SEMA3F: variants seen among roughly 807,000 people sequenced by gnomAD.
SEMA3F encodes the protein semaphorin-3F.
SEMA3F carries 30 observed loss-of-function variants against 98.5 expected under a neutral mutation model. The ratio of observed to expected loss-of-function variants is 0.30; its 90% CI spans 0.23 to 0.41. SEMA3F has a LOEUF of 0.41. SEMA3F is among the 10% of genes least tolerant of loss of function. SEMA3F has a pLI of 1.00. For missense variants in SEMA3F, 866 were observed against 1,119.3 expected, an observed-to-expected ratio of 0.77 and a Z score of 3.23; for synonymous variants, 380 against 444.8, an observed-to-expected ratio of 0.85 and a Z score of 1.83.
intron 2 of SEMA3F, among the ~76,000 whole-genome samples, chr3:50,167,514 C>G (rs1312436649): frequency 6.6e-6 from 1 of 152,214 alleles, no homozygotes; most frequent in African/African-American, 2.4e-5. Flanking sequence ...TGGGGCGGAA[C>G]GGGCGTGGGA....
At chr3:50,183,388 G>A in intron 11 of SEMA3F, 32 bp from the exon 12 acceptor site, 2 of 1,613,028 alleles carry the variant, frequency 1.2e-6, no homozygotes, top group African/African-American at 1.3e-5. Context: ...TGGAGGGTCT[G>A]TCCTGCTCAG....
chr3:50,183,090 G>A, intron 10 of SEMA3F, 72 bp downstream of exon 10: 1 of 1,568,148 alleles, frequency 6.4e-7, no homozygotes, highest in Non-Finnish European at 8.8e-7. Flanking sequence ...GGCGATCAGG[G>A]TGCCTTTGGT....
In SEMA3F at chr3:50,187,907, C is replaced by T. The variant is rs1559741709; in HGVS notation, c.2150C>T (p.Pro717Leu). Residue 717 changes from proline to leucine, a missense_variant, in exon 19 of 19, where the codon CCC (proline) becomes CTC (leucine). Transcript: ENST00000002829. ...FPPLSMSAPP[P>L]PGAGPPTPPY... is the part of the protein sequence containing the mutation. ...CCACTGTCCATGAGCGCCCCGCCAC[C>T]CCCAGGCGCAGGCCCCCCAACGCCT... 1 of 1,609,050 alleles carries T rather than the reference C, an allele frequency of 6.2e-7. No individual in the cohort carries two copies.
In SEMA3F at chr3:50,159,634, C is replaced by G. The variant is rs201364829; in HGVS notation, c.12C>G (p.Ala4=). ...AGGCCCCTCCCACAATGCTTGTCGC[C>G]GGTCTTCTTCTCTGGGCTTCCCTAC... is the stretch of plus-strand genomic sequence containing the variant. MLV[A]GLLLWASLLT... Residue 4 remains alanine, a synonymous_variant, in exon 2 of 19, where the codon GCC becomes GCG. Coordinates refer to ENST00000002829, the MANE Select transcript of SEMA3F (RefSeq NM_004186.5). 5 of 1,609,098 alleles carry G rather than the reference C, an allele frequency of 3.1e-6. No individual in the cohort carries two copies. The highest frequency in any genetic ancestry group is 1.3e-5 in the African/African-American group (1 of 74,754).
intron 13 of SEMA3F, 96 bp downstream of exon 13, chr3:50,184,910 C>A: frequency 1.2e-6 from 1 of 850,524 alleles, no homozygotes; most frequent in South Asian, 1.6e-5. Context: ...GGGCTTGCTG[C>A]AAGCTCATCA....
chr3:50,175,494 A>G (rs571155049), intron 6 of SEMA3F, among the ~76,000 whole-genome samples: 37 of 152,330 alleles, frequency 2.4e-4, no homozygotes, highest in Non-Finnish European at 3.5e-4. Flanking sequence ...AAGAGCACAC[A>G]CCGGTGTGGA....
rs752561955 is a variant in SEMA3F at position 50,183,486 on chromosome 3, G to A, written c.1155G>A (p.Gly385=). The A allele has an allele frequency of 6.2e-7, 1 of 1,613,980 alleles. No individual in the cohort carries two copies. The highest frequency in any genetic ancestry group is 1.3e-5 in the African/African-American group (1 of 74,934). The change falls in exon 12 of 19, where the codon GGG becomes GGA. Residue 385 remains glycine, a synonymous_variant. Coordinates refer to ENST00000002829, the MANE Select transcript of SEMA3F (RefSeq NM_004186.5). ...CTGATATTCGCATGGTCTTCAACGG[G>A]CCCTTTGCCCACAAAGAGGGGCCCA... is the stretch of plus-strand genomic sequence containing the variant. ...SMADIRMVFN[G]PFAHKEGPNY...
rs994507201 is a variant in SEMA3F, at chr3:50,182,467, A to G, written c.763+64A>G. The G allele has an allele frequency of 2.5e-6, 4 of 1,606,240 alleles. No homozygotes were observed. The highest frequency in any genetic ancestry group is 2.5e-6 in the Non-Finnish European group (3 of 1,177,732). On this transcript the variant is annotated intron_variant, in intron 8 of 18. Transcript: ENST00000002829. The surrounding 1 kb of genome is among the most constrained non-coding windows in gnomAD (Gnocchi z 4.5). ...CTGGGATGCGGCAAGGAGGTCGTAAAGAAGCACATGTGGGGGAAGTGGGGA... is the reference window on the plus strand; with the variant it reads ...CTGGGATGCGGCAAGGAGGTCGTAAGGAAGCACATGTGGGGGAAGTGGGGA...
intron 2 of SEMA3F, among the ~76,000 whole-genome samples, chr3:50,163,832 C>T (rs2109063917): frequency 6.6e-6 from 1 of 152,268 alleles, no homozygotes; most frequent in Middle Eastern, 3.4e-3. Context: ...GCTCACAAGC[C>T]AGGGAGGGTA....
chr3:50,188,521 C>G lies in SEMA3F; in HGVS notation c.*406C>G, dbSNP rs1699327467. The G allele has an allele frequency of 6.6e-6, 1 of 152,466 alleles. No individual in the cohort carries two copies. Among genetic ancestry groups the G allele is most frequent in the Non-Finnish European group, 1.5e-5 (1 of 68,126 alleles). 9.4% of individuals were successfully genotyped at this position (152,466 alleles called of 1,614,324 possible). On this transcript the variant is annotated 3_prime_UTR_variant, in exon 19 of 19. Coordinates refer to ENST00000002829, the MANE Select transcript of SEMA3F (RefSeq NM_004186.5). The surrounding 1 kb of genome is among the most constrained non-coding windows in gnomAD (Gnocchi z 4.5). Reference sequence around the variant, plus strand: ...TGTGTGTTGTCAGCCTGTGCTGTGGCATAGACATGGATGCGAGGACCACTT... The same window carrying G: ...TGTGTGTTGTCAGCCTGTGCTGTGGGATAGACATGGATGCGAGGACCACTT...
At position 50,174,322 on chromosome 3, in the gene SEMA3F, C is replaced by T. The variant is rs755348562; in HGVS notation, c.428C>T (p.Thr143Ile). 2 of 1,612,842 alleles carry T rather than the reference C, an allele frequency of 1.2e-6. No homozygotes were observed. Among genetic ancestry groups the T allele is most frequent in the East Asian group, 4.5e-5 (2 of 44,876 alleles). Reference protein sequence around the residue: ...CGTGAYNPMCTYVNRGRRAQA... With the variant: ...CGTGAYNPMCIYVNRGRRAQA... Reference sequence around the variant, plus strand: ...ACAGGTGCCTACAACCCCATGTGCACCTATGTGAACCGCGGACGCCGCGCC... The same window carrying T: ...ACAGGTGCCTACAACCCCATGTGCATCTATGTGAACCGCGGACGCCGCGCC... Residue 143 changes from threonine to isoleucine, a missense_variant, in exon 5 of 19, where the codon ACC becomes ATC. Around this residue, in one of 3 missense-constraint regions of SEMA3F, gnomAD observed 247 missense variants for 276.0 expected, o/e 0.89. Transcript: ENST00000002829.
chr3:50,186,083 G>T, intron 16 of SEMA3F, 37 bp downstream of exon 16: 1 of 1,582,344 alleles, frequency 6.3e-7, no homozygotes, highest in Non-Finnish European at 8.6e-7. Context: ...TTAGCAACCA[G>T]TCCCAGGGCC....
intron 13 of SEMA3F, among the ~76,000 whole-genome samples, chr3:50,185,197 T>C (rs957470429): frequency 3.3e-5 from 5 of 152,192 alleles, no homozygotes; most frequent in Non-Finnish European, 7.4e-5. Context: ...GGAGAATGCA[T>C]GCCCCAGTGT....
In SEMA3F at chr3:50,186,056, C is replaced by G; in HGVS notation, c.1745+10C>G. 1 of 1,593,316 alleles carries G rather than the reference C, an allele frequency of 6.3e-7. No individual in the cohort carries two copies. The highest frequency in any genetic ancestry group is 8.6e-7 in the Non-Finnish European group (1 of 1,166,474). ...CAGCATCCTCCAAGAGGTGTGGACC[C>G]CTAGACACCTAGAATTTTAGCAACC... On this transcript the variant is annotated intron_variant, in intron 16 of 18. Coordinates refer to ENST00000002829, the MANE Select transcript of SEMA3F (RefSeq NM_004186.5).
chr3:50,187,169 G>A (rs1490165830), intron 18 of SEMA3F, among the ~76,000 whole-genome samples: 1 of 152,184 alleles, frequency 6.6e-6, no homozygotes, highest in Non-Finnish European at 1.5e-5. Context: ...GCTCACACCT[G>A]TAACCCCAAC....
intron 2 of SEMA3F, among the ~76,000 whole-genome samples, chr3:50,167,998 G>A (rs530591274): frequency 6.6e-6 from 1 of 152,296 alleles, no homozygotes; most frequent in South Asian, 2.1e-4. Context: ...AAAAACACGC[G>A]GAGTCATTTA....
At chr3:50,186,861 C>T (rs928865257) in intron 18 of SEMA3F, 115 bp downstream of exon 18, 1 of 1,106,028 alleles carries the variant, frequency 9.0e-7, no homozygotes, top group Non-Finnish European at 1.2e-6. Context: ...TCCAAGCTCC[C>T]TTCCCTACAT....
chr3:50,186,184 C>T, intron 16 of SEMA3F, 97 bp from the exon 17 acceptor site: 1 of 1,486,916 alleles, frequency 6.7e-7, no homozygotes, highest in East Asian at 2.3e-5. Context: ...CATCACTGCC[C>T]TGGGGAAAAA....
rs539082088 is a variant in SEMA3F, at chr3:50,183,775, T to A, written c.1233+211T>A. Among the ~76,000 whole-genome samples, 6 of 152,182 alleles carry A rather than the reference T, an allele frequency of 3.9e-5. No homozygotes were observed. In the East Asian group the frequency reaches 5.8e-4, roughly 15 times the overall value. On this transcript the variant is annotated intron_variant, in intron 12 of 18. Coordinates refer to ENST00000002829, the MANE Select transcript of SEMA3F (RefSeq NM_004186.5). ...TGGGACAAAGATGGTGGGTTGGGCG[T>A]GGTCGGCTGCTCCTCAGAGGGTCCT...
Sources: gnomAD v4.1 joint callset for allele counts (sites outside exome capture counted in the v4.1 genomes callset) on GRCh38, gnomAD v4.1.1 for gene constraint, gnomAD v4.1.1 regional missense constraint, Gnocchi (gnomAD v3.1) non-coding constraint, MANE v1.5 for transcripts, NCBI Gene and HGNC (gene_info 2026-07-23, HGNC 2026-07-21) for gene names.